Variants in ACSL5 observed in about 807,000 individuals in gnomAD.
The protein encoded by ACSL5 is long-chain-fatty-acid--CoA ligase 5.
ACSL5 carries 50 observed loss-of-function variants against 84.9 expected under a neutral mutation model. That is an observed-to-expected ratio of 0.59 (90% confidence interval 0.47 to 0.75). The LOEUF is 0.75. Ranked by LOEUF, ACSL5 falls within the 30% of genes least tolerant of loss-of-function variation. The pLI is 0.00. For synonymous variants in ACSL5, 280 were observed against 300.7 expected, an observed-to-expected ratio of 0.93 and a Z score of 0.71; for missense variants, 775 against 830.4, an observed-to-expected ratio of 0.93 and a Z score of 0.82.
intron 1 of ACSL5, among the ~76,000 whole-genome samples, chr10:112,382,496 A>T (rs1849369679): frequency 6.6e-6 from 1 of 152,160 alleles, no homozygotes; most frequent in South Asian, 2.1e-4. Context: ...CAGCACTGGG[A>T]GGCCTATTGA....
intron 1 of ACSL5, among the ~76,000 whole-genome samples, chr10:112,393,608 T>A (rs1843686047): frequency 6.6e-6 from 1 of 152,220 alleles, no homozygotes; most frequent in African/African-American, 2.4e-5. Flanking sequence ...TTGAGCTTGC[T>A]TTGTTCTTTT....
chr10:112,378,770 C>T (rs1849292551), intron 1 of ACSL5, among the ~76,000 whole-genome samples: 2 of 152,190 alleles, frequency 1.3e-5, no homozygotes, highest in Admixed American at 6.5e-5. Context: ...CTATTTCTCC[C>T]CTCTATGTCT....
chr10:112,426,668 A>C, intron 19 of ACSL5, 120 bp from the exon 20 acceptor site: 1 of 862,618 alleles, frequency 1.2e-6, no homozygotes, highest in South Asian at 1.5e-5. Context: ...GTGCTTGTGC[A>C]TAGTTTTATA....
At chr10:112,382,898 C>G (rs1414446780) in intron 1 of ACSL5, among the ~76,000 whole-genome samples, 1 of 152,152 alleles carries the variant, frequency 6.6e-6, no homozygotes, top group Admixed American at 6.5e-5. Context: ...TTAGCTACCA[C>G]CTGGTGTTTT....
At chr10:112,407,255 C>G (rs932410697) in intron 5 of ACSL5, among the ~76,000 whole-genome samples, 1 of 152,020 alleles carries the variant, frequency 6.6e-6, no homozygotes, top group African/African-American at 2.4e-5. Context: ...GACGGAGTTT[C>G]ACTCTGTTGC....
At chr10:112,400,618 A>G (rs1279285425) in intron 3 of ACSL5, among the ~76,000 whole-genome samples, 1 of 151,924 alleles carries the variant, frequency 6.6e-6, no homozygotes, top group Non-Finnish European at 1.5e-5. Flanking sequence ...CATCTTGGCC[A>G]GGCTGGTCCT....
chr10:112,421,877 A>C, intron 15 of ACSL5, 70 bp from the exon 16 acceptor site: 2 of 1,497,930 alleles, frequency 1.3e-6, no homozygotes, highest in Non-Finnish European at 1.9e-6. Flanking sequence ...ATTCATAAAT[A>C]TCTTAGAAAT....
chr10:112,376,435 G>T, intron 1 of ACSL5: 1 of 1,614,122 alleles, frequency 6.2e-7, no homozygotes, highest in Non-Finnish European at 8.5e-7. Context: ...TGAGAGATGC[G>T]GCCCCCTCGC....
chr10:112,391,225 CAA>C (rs1215720626), intron 1 of ACSL5, among the ~76,000 whole-genome samples: 2 of 152,110 alleles, frequency 1.3e-5, no homozygotes, highest in African/African-American at 4.8e-5. Context: ...ACTAAAAATG[CAA>C]AGTTAGTTGC....
intron 5 of ACSL5, among the ~76,000 whole-genome samples, chr10:112,407,177 G>A (rs1352671631): frequency 2.0e-5 from 3 of 151,996 alleles, no homozygotes; most frequent in Admixed American, 6.6e-5. Context: ...CACAACACAT[G>A]GGAATTCTGG....
chr10:112,418,772 A>T (rs1844382881), intron 14 of ACSL5: 1 of 153,334 alleles, frequency 6.5e-6, no homozygotes, highest in Non-Finnish European at 1.5e-5. Context: ...AAGGAAGAGA[A>T]AACATATTTA....
At chr10:112,398,819 GTC>G in intron 2 of ACSL5, 80 bp from the exon 3 acceptor site, 2 of 1,179,972 alleles carry the variant, frequency 1.7e-6, no homozygotes, top group Non-Finnish European at 2.5e-6. Flanking sequence ...GGCATTTATG[GTC>G]TCTTTAATTC....
Position 112,426,828 on chromosome 10 carries a change from GGAAA to G in ACSL5, c.1886_1889del (p.Glu629ValfsTer26), listed in dbSNP as rs762675816. 2 of 1,613,924 alleles carry G rather than the reference GGAAA, an allele frequency of 1.2e-6. No homozygotes were observed. The highest frequency in any genetic ancestry group is 2.2e-5 in the East Asian group (1 of 44,844). Reference sequence around the variant, plus strand: ...ATTTTAGAAGACTTGCAGAAAATTGGGAAAGAAAGTGGCCTTAAAACTTTTGAAC... The same window carrying G: ...ATTTTAGAAGACTTGCAGAAAATTGGGAAAGTGGCCTTAAAACTTTTGAAC... On this transcript the variant is annotated frameshift_variant, in exon 20 of 21. Transcript: ENST00000354655. LOFTEE classifies it high-confidence loss of function.
chr10:112,408,774 A>G, intron 6 of ACSL5: 1 of 418,210 alleles, frequency 2.4e-6, no homozygotes, highest in South Asian at 2.4e-5. Context: ...GTATGATGAT[A>G]TAGAGACAAG....
In ACSL5 at chr10:112,417,835, C is replaced by A; in HGVS notation, c.1219-11C>A. ...ATAGGTTTTAGTATGTCTTTTGTTTCCACTGAACAGGACAGCCTGGGCGGA... is the reference window on the plus strand; with the variant it reads ...ATAGGTTTTAGTATGTCTTTTGTTTACACTGAACAGGACAGCCTGGGCGGA... On this transcript the variant is annotated splice_polypyrimidine_tract_variant and intron_variant, in intron 13 of 20. Transcript: ENST00000354655. 1 of 1,612,722 alleles carries A rather than the reference C, an allele frequency of 6.2e-7. No homozygotes were observed. The highest frequency in any genetic ancestry group is 8.5e-7 in the Non-Finnish European group (1 of 1,178,740).
intron 18 of ACSL5, 169 bp downstream of exon 18, chr10:112,425,650 A>G: frequency 3.4e-6 from 2 of 584,304 alleles, no homozygotes; most frequent in East Asian, 3.3e-5. Context: ...GGCAATTTCA[A>G]TTTAAAAAAT....
intron 1 of ACSL5, among the ~76,000 whole-genome samples, chr10:112,384,754 C>A (rs1228298195): frequency 6.6e-6 from 1 of 152,174 alleles, no homozygotes; most frequent in Non-Finnish European, 1.5e-5. Flanking sequence ...TGGGCTCAAG[C>A]AATATATCCA....
intron 16 of ACSL5, 124 bp from the exon 17 acceptor site, chr10:112,422,201 T>A: frequency 9.3e-7 from 1 of 1,075,430 alleles, no homozygotes; most frequent in Non-Finnish European, 1.4e-6. Context: ...GACTTAGATC[T>A]GGTGCTCTTC....
rs79474342 is a variant in ACSL5, at chr10:112,395,065, C to A, written c.119C>A (p.Pro40His). ...WLITRPQPVL[P>H]LLDLNNQSVG... ...ATCACCAGACCTCAACCCGTCTTAC[C>A]TCTTCTTGACCTGAACAATCAGTCT... Residue 40 changes from proline to histidine, a missense_variant, in exon 2 of 21, where the codon CCT becomes CAT. Coordinates refer to ENST00000354655, the MANE Select transcript of ACSL5 (RefSeq NM_203379.2). The A allele has an allele frequency of 5.5e-4, 883 of 1,614,080 alleles. 2 individuals carry two copies. In the African/African-American group the frequency reaches 0.011, roughly 20 times the overall value.
Sources: gnomAD v4.1 joint callset for allele counts (sites outside exome capture counted in the v4.1 genomes callset) on GRCh38, gnomAD v4.1.1 for gene constraint, MANE v1.5 for transcripts, NCBI Gene and HGNC (gene_info 2026-07-23, HGNC 2026-07-21) for gene names.